Variants in TTN observed in about 807,000 individuals in gnomAD.
TTN encodes the protein titin, also known as connectin.
Under a neutral mutation model 3,223.0 loss-of-function variants are expected in TTN, and 1,525 were observed. The ratio of observed to expected loss-of-function variants is 0.47; its 90% confidence interval spans 0.45 to 0.49. The LOEUF (loss-of-function observed/expected upper bound fraction) is 0.49, where lower values mean the gene tolerates loss of function less well. TTN is among the 20% of genes least tolerant of loss of function. The pLI, the probability that TTN is intolerant of heterozygous loss-of-function variation, is 0.00. For missense variants in TTN, 40,786 were observed against 43,424.0 expected (o/e 0.94, Z 5.40); for synonymous variants, 14,094 against 15,161.0 (o/e 0.93, Z 5.17).
Position 178,634,500 on chromosome 2 carries a change from G to C in TTN, c.42281C>G (p.Ser14094Ter). 6.2e-7 allele frequency: 1 copy of C among 1,613,190 alleles called. No individual in the cohort carries two copies. The highest frequency in any genetic ancestry group is 8.5e-7 in the Non-Finnish European group (1 of 1,179,478). Residue 14094 changes from serine to a stop codon, truncating the protein, a stop_gained, in exon 230 of 363, where the codon TCA (serine) becomes TGA (stop). Transcript: ENST00000589042. LOFTEE classifies it high-confidence loss of function. This position sits in a 1 kb window ranked among gnomAD's most constrained non-coding sequence, Gnocchi z 4.6. Reference sequence around the variant, plus strand: ...AGCGATGATATCAAATTTGTCAGATGACTTAATTATATCAGGTCCTTTGGA... The same window carrying C: ...AGCGATGATATCAAATTTGTCAGATCACTTAATTATATCAGGTCCTTTGGA... ...IWSKGPDIIK[S>*]SDKFDIIADG...
chr2:178,621,908 A>G lies in TTN; in HGVS notation c.45014T>C (p.Leu15005Pro), dbSNP rs369992659. Residue 15005 changes from leucine (L) to proline (P), a missense_variant, in exon 244 of 363, where the codon CTG becomes CCG. Physicochemically the swap from Leu to Pro is moderately conservative, Grantham distance 98. Transcript: ENST00000589042. The stretch of plus-strand genomic sequence containing the variant: ...ACAGGAATATTCAGCTTCATCATCC[A>G]GTAGACATTTGTTGATGACAAGAAT... ...VRILVINKCL[L>P]DDEAEYSCEV... 1.7e-5 allele frequency: 28 copies of G among 1,612,212 alleles called. No homozygotes were observed. In the African/African-American group the frequency reaches 3.2e-4, roughly 18 times the overall value.
Position 178,734,384 on chromosome 2 carries a change from C to T in TTN, c.15440G>A (p.Cys5147Tyr), listed in dbSNP as rs1159353292. 1 of 1,612,664 alleles carries T rather than the reference C, an allele frequency of 6.2e-7. No homozygotes were observed. The highest frequency in any genetic ancestry group is 1.1e-5 in the South Asian group (1 of 90,896). ...CTTGCCGACTTCATTAGCAACAACACATTCATATTCACCAACATCTGCACT... is the reference window on the plus strand; with the variant it reads ...CTTGCCGACTTCATTAGCAACAACATATTCATATTCACCAACATCTGCACT... The part of the protein sequence containing the change: ...FNSADVGEYE[C>Y]VVANEVGKCG... Residue 5147 changes from cysteine (C) to tyrosine (Y), a missense_variant, in exon 52 of 363, where the codon TGT becomes TAT. Physicochemically the swap from Cys to Tyr is radical, Grantham distance 194. Coordinates refer to ENST00000589042, the MANE Select transcript of TTN (RefSeq NM_001267550.2).
In TTN at chr2:178,621,831, T is replaced by G; in HGVS notation, c.45082+9A>C. The G allele has an allele frequency of 6.2e-7, 1 of 1,611,724 alleles. No individual in the cohort carries two copies. The highest frequency in any genetic ancestry group is 8.5e-7 in the Non-Finnish European group (1 of 1,178,854). On this transcript the variant is annotated intron_variant, in intron 244 of 362. Transcript: ENST00000589042. ...ACATATACTTCACAAAGAATGACTTTACTCTTACCCAGAACTGTCAGCATG... is the reference window on the plus strand; with the variant it reads ...ACATATACTTCACAAAGAATGACTTGACTCTTACCCAGAACTGTCAGCATG...
rs556390708 is a variant in TTN at position 178,800,581 on chromosome 2, G to C, written c.397C>G (p.Pro133Ala). 6.2e-7 allele frequency: 1 copy of C among 1,613,982 alleles called. No individual in the cohort carries two copies. Among genetic ancestry groups the C allele is most frequent in the African/African-American group, 1.3e-5 (1 of 74,910 alleles). ...LQVRVTGIPT[P>A]VVKFYRDGAE... The stretch of plus-strand genomic sequence containing the variant: ...CCATCCCGGTAGAACTTCACCACAG[G>C]TGTAGGGATTCCAGTCACTCTCACT... The change falls in exon 4 of 363, where the codon CCT becomes GCT. Residue 133 changes from proline to alanine, a missense_variant. By Grantham distance (27) the Pro-to-Ala change is conservative (BLOSUM62 -1). Coordinates refer to ENST00000589042, the MANE Select transcript of TTN (RefSeq NM_001267550.2).
In TTN at chr2:178,633,806, G is replaced by T. The variant is rs908586161; in HGVS notation, c.42682+11C>A. On this transcript the variant is annotated intron_variant, in intron 231 of 362. Coordinates refer to ENST00000589042, the MANE Select transcript of TTN (RefSeq NM_001267550.2). ...GAAACTGGCTATCTGGTTATACTTGGTTACATTTACCTAAGACCTTCAGCT... is the reference window on the plus strand; with the variant it reads ...GAAACTGGCTATCTGGTTATACTTGTTTACATTTACCTAAGACCTTCAGCT... 2 of 1,611,826 alleles carry T rather than the reference G, an allele frequency of 1.2e-6. No homozygotes were observed. Among genetic ancestry groups the T allele is most frequent in the African/African-American group, 1.3e-5 (1 of 74,742 alleles).
rs779007987 is a variant in TTN at position 178,579,642 on chromosome 2, A to C, written c.67555T>G (p.Tyr22519Asp). The C allele has an allele frequency of 5.6e-6, 9 of 1,613,256 alleles. No homozygotes were observed. Among genetic ancestry groups the C allele is most frequent in the Non-Finnish European group, 6.8e-6 (8 of 1,179,466 alleles). ...TTCTCAGCACTCACTCTGAAGGTAT[A>C]TTCCTTCCCTTCAGTCAAATCTTTT... is the stretch of plus-strand genomic sequence containing the variant. Reference protein sequence around the residue: ...SAKDLTEGKEYTFRVSAENEN... With the variant: ...SAKDLTEGKEDTFRVSAENEN... Residue 22519 changes from tyrosine to aspartate, a missense_variant, in exon 319 of 363, where the codon TAT (tyrosine) becomes GAT (aspartate). Physicochemically the swap from Tyr to Asp is radical, Grantham distance 160 (BLOSUM62 -3). Coordinates refer to ENST00000589042, the MANE Select transcript of TTN (RefSeq NM_001267550.2).
At position 178,531,924 on chromosome 2, in the gene TTN, C is replaced by T. The variant is rs369619711; in HGVS notation, c.104691G>A (p.Ser34897=). The change falls in exon 358 of 363, where the codon TCG becomes TCA. Residue 34897 remains serine (S), a synonymous_variant. Coordinates refer to ENST00000589042, the MANE Select transcript of TTN (RefSeq NM_001267550.2). ...PSPVSSERSL[S]RFERSARFDI... is the part of the protein sequence containing the mutation. Reference sequence around the variant, plus strand: ...CAAATCTTGCAGACCTCTCAAATCTCGAGAGTGATCTCTCACTAGACACAG... The same window carrying T: ...CAAATCTTGCAGACCTCTCAAATCTTGAGAGTGATCTCTCACTAGACACAG... 3.9e-5 allele frequency: 63 copies of T among 1,612,818 alleles called. No homozygotes were observed. The highest frequency in any genetic ancestry group is 2.7e-4 in the Admixed American group (16 of 59,850).
chr2:178,757,510 A>AGGT, intron 45 of TTN, 32 bp downstream of exon 45: 1 of 1,520,568 alleles, frequency 6.6e-7, no homozygotes, highest in African/African-American at 1.4e-5. Flanking sequence ...GTATACAGCA[A>AGGT]ATCAAAGTCC....
Position 178,717,744 on chromosome 2 carries a change from A to G in TTN, c.25130T>C (p.Val8377Ala). ...KDVHETLGFP[V>A]AFECRINGSE... ...GCCATTGATGCGGCATTCAAATGCA[A>G]CTGGGAAGCCTAGAGTCTCATGAAC... The change falls in exon 87 of 363, where the codon GTT becomes GCT. Residue 8377 changes from valine (V) to alanine (A), a missense_variant. Transcript: ENST00000589042. 2 of 1,613,274 alleles carry G rather than the reference A, an allele frequency of 1.2e-6. No homozygotes were observed. The highest frequency in any genetic ancestry group is 1.7e-6 in the Non-Finnish European group (2 of 1,179,542).
chr2:178,785,158 A>G (rs2093078417), intron 15 of TTN, among the ~76,000 whole-genome samples: 1 of 152,096 alleles, frequency 6.6e-6, no homozygotes, highest in Non-Finnish European at 1.5e-5. Context: ...ACCATACAGT[A>G]CCACCTCTCC....
chr2:178,731,626 A>G, intron 58 of TTN, 43 bp from the exon 59 acceptor site: 1 of 1,570,388 alleles, frequency 6.4e-7, no homozygotes, highest in Non-Finnish European at 8.6e-7. Flanking sequence ...TCCCTATAGC[A>G]AAAGTGGCTT....
At chr2:178,648,039 G>A (rs942906625) in intron 213 of TTN, among the ~76,000 whole-genome samples, 3 of 152,032 alleles carry the variant, frequency 2.0e-5, no homozygotes, top group South Asian at 2.1e-4. Context: ...CTGCCGCCAC[G>A]GATCTTGTCC....
At position 178,604,996 on chromosome 2, in the gene TTN, C is replaced by T; in HGVS notation, c.54181G>A (p.Glu18061Lys). Residue 18061 changes from glutamate (E) to lysine (K), a missense_variant, in exon 280 of 363, where the codon GAA (glutamate) becomes AAA (lysine). Coordinates refer to ENST00000589042, the MANE Select transcript of TTN (RefSeq NM_001267550.2). ...AAAGCAAGTCACTTACCATATACTT[C>T]AACGTGAACATTTCGGAACACTGAG... The part of the protein sequence containing the change: ...LGSVFRNVHV[E>K]VYDRPSPPRN... 1 of 1,595,134 alleles carries T rather than the reference C, an allele frequency of 6.3e-7. No homozygotes were observed. Among genetic ancestry groups the T allele is most frequent in the Non-Finnish European group, 8.6e-7 (1 of 1,169,414 alleles).
At position 178,584,965 on chromosome 2, in the gene TTN, G is replaced by C. The variant is rs1191282845; in HGVS notation, c.64676C>G (p.Ala21559Gly). 3.1e-6 allele frequency: 5 copies of C among 1,612,756 alleles called. No homozygotes were observed. Among genetic ancestry groups the C allele is most frequent in the Admixed American group, 3.3e-5 (2 of 59,910 alleles). ...TQKIKVVVMD[A>G]PGPPQPPFDI... Reference sequence around the variant, plus strand: ...AAATGGAGGCTGAGGGGGGCCGGGGGCATCTACATGAACCAAGAGGAAAGA... The same window carrying C: ...AAATGGAGGCTGAGGGGGGCCGGGGCCATCTACATGAACCAAGAGGAAAGA... The change falls in exon 310 of 363, where the codon GCC (alanine) becomes GGC (glycine). Residue 21559 changes from alanine to glycine, a missense_variant. Physicochemically the swap from Ala to Gly is moderately conservative, Grantham distance 60. Coordinates refer to ENST00000589042, the MANE Select transcript of TTN (RefSeq NM_001267550.2).
intron 47 of TTN, chr2:178,748,180 A>C: frequency 1.2e-6 from 2 of 1,613,198 alleles, no homozygotes; most frequent in African/African-American, 2.7e-5. Flanking sequence ...CTATATCTGC[A>C]GATGAGGTTG....
At position 178,774,924 on chromosome 2, in the gene TTN, C is replaced by T; in HGVS notation, c.6787G>A (p.Glu2263Lys). The T allele has an allele frequency of 6.2e-7, 1 of 1,613,582 alleles. No homozygotes were observed. Among genetic ancestry groups the T allele is most frequent in the Non-Finnish European group, 8.5e-7 (1 of 1,179,828 alleles). Residue 2263 changes from glutamate (E) to lysine (K), a missense_variant, in exon 29 of 363, where the codon GAA becomes AAA. By Grantham distance (56) the Glu-to-Lys change is moderately conservative. Transcript: ENST00000589042. ...GAAATCCTTCGTTGTTGAATACCTT[C>T]AACAATAAGTTTAGCAGTCGTTTTG... The part of the protein sequence containing the change: ...NVKTTAKLIV[E>K]GAVVEFVKEL...
In TTN at chr2:178,575,818, T is replaced by A; in HGVS notation, c.70314A>T (p.Pro23438=). 6.2e-7 allele frequency: 1 copy of A among 1,613,350 alleles called. No individual in the cohort carries two copies. Among genetic ancestry groups the A allele is most frequent in the Non-Finnish European group, 8.5e-7 (1 of 1,179,446 alleles). Residue 23438 remains proline, a synonymous_variant, in exon 326 of 363, where the codon CCA becomes CCT. Coordinates refer to ENST00000589042, the MANE Select transcript of TTN (RefSeq NM_001267550.2). This position sits in a 1 kb window ranked among gnomAD's most constrained non-coding sequence, Gnocchi z 4.0. ...TGTCTGTAGGCCGCAGGTTGAGGAC[T>A]GGGCCTGGCGTGTCCAAGACTCTGA... is the stretch of plus-strand genomic sequence containing the variant. ...VNVRVLDTPG[P]VLNLRPTDIT...
intron 147 of TTN, among the ~76,000 whole-genome samples, chr2:178,676,278 C>G (rs1180687154): frequency 1.3e-5 from 2 of 151,728 alleles, no homozygotes; most frequent in Non-Finnish European, 2.9e-5. Flanking sequence ...TTTGCACCAA[C>G]CTAATATCAT....
At chr2:178,660,791 C>T (rs1314229497) in intron 180 of TTN, among the ~76,000 whole-genome samples, 2 of 152,180 alleles carry the variant, frequency 1.3e-5, no homozygotes, top group East Asian at 3.9e-4. Flanking sequence ...TGACGAAGGG[C>T]TAATATCCAG....
Sources: allele counts gnomAD v4.1 joint callset (sites outside exome capture counted in the v4.1 genomes callset), GRCh38; gene constraint gnomAD v4.1.1; non-coding constraint Gnocchi (gnomAD v3.1); transcripts MANE v1.5; gene names NCBI Gene and HGNC (gene_info 2026-07-23, HGNC 2026-07-21).